ZIM2: variants seen among roughly 807,000 people sequenced by gnomAD.
ZIM2 encodes the protein zinc finger imprinted 2, also known as zinc finger protein 656.
A neutral mutation model predicts 38.6 loss-of-function variants in ZIM2; 14 were observed. That is an observed-to-expected ratio of 0.36 (90% CI 0.24 to 0.57). ZIM2 has a LOEUF of 0.57. ZIM2 is among the 20% of genes least tolerant of loss of function. The pLI, the probability that ZIM2 is intolerant of heterozygous loss-of-function variation, is 0.81. For synonymous variants in ZIM2, 247 were observed against 245.8 expected, an observed-to-expected ratio of 1.00 and a Z score of -0.04; for missense variants, 680 against 695.1, an observed-to-expected ratio of 0.98 and a Z score of 0.24.
intron 2 of ZIM2, among the ~76,000 whole-genome samples, chr19:56,834,780 C>A (rs1428187677): frequency 1.3e-5 from 2 of 152,174 alleles, no homozygotes; most frequent in African/African-American, 2.4e-5. Context: ...CAGTATTCCA[C>A]CACCACCATA....
At chr19:56,792,219 G>C (rs1362266911) in intron 9 of ZIM2, among the ~76,000 whole-genome samples, 2 of 151,994 alleles carry the variant, frequency 1.3e-5, no homozygotes, top group African/African-American at 4.8e-5. Context: ...GGGTGCAGCT[G>C]AAGCCATTAA....
At chr19:56,805,699 T>C (rs954223233) in intron 9 of ZIM2, among the ~76,000 whole-genome samples, 6 of 152,292 alleles carry the variant, frequency 3.9e-5, no homozygotes, top group South Asian at 2.1e-4. Context: ...ATCTAATTCA[T>C]AGGAAAATGG....
Position 56,817,759 on chromosome 19 carries a change from T to C in ZIM2, c.477A>G (p.Pro159=). The C allele has an allele frequency of 6.2e-7, 1 of 1,613,998 alleles. No homozygotes were observed. Among genetic ancestry groups the C allele is most frequent in the East Asian group, 2.2e-5 (1 of 44,874 alleles). ...HSSRSKRSAY[P]STSRGFLAQD... is the part of the protein sequence containing the mutation. ...CCTCCTGCTTACCTCGACTGGTGCT[T>C]GGGTAGGCACTTCTCTTGGATCTTG... The change falls in exon 9 of 13, where the codon CCA becomes CCG. Residue 159 remains proline (P), a synonymous_variant. Coordinates refer to ENST00000629319, the MANE Select transcript of ZIM2 (RefSeq NM_001387356.1).
At chr19:56,803,371 AG>A (rs1400468240) in intron 9 of ZIM2, among the ~76,000 whole-genome samples, 2 of 152,238 alleles carry the variant, frequency 1.3e-5, no homozygotes, top group Non-Finnish European at 2.9e-5. Context: ...GTTCACTGGT[AG>A]GAGCAGCTAT....
At chr19:56,789,104 A>G (rs1388471973) in intron 10 of ZIM2, among the ~76,000 whole-genome samples, 1 of 151,964 alleles carries the variant, frequency 6.6e-6, no homozygotes, top group African/African-American at 2.4e-5. Context: ...ATGCTCCTTT[A>G]GCTTGGAGGA....
chr19:56,779,323 C>G (rs913190415), intron 12 of ZIM2, 54 bp downstream of exon 12: 38 of 1,590,168 alleles, frequency 2.4e-5, no homozygotes, highest in Middle Eastern at 1.9e-4. Context: ...AGCTCTCTGA[C>G]TAGCATTTAC....
intron 9 of ZIM2, chr19:56,798,068 C>A (rs528758295): frequency 5.3e-5 from 8 of 152,222 alleles, no homozygotes; most frequent in African/African-American, 1.9e-4. Context: ...AATGGGAACA[C>A]TGGAAACTTC....
chr19:56,819,900 G>C (rs1232803017), intron 7 of ZIM2, among the ~76,000 whole-genome samples: 1 of 152,180 alleles, frequency 6.6e-6, no homozygotes, highest in African/African-American at 2.4e-5. Context: ...AAGAGGTACG[G>C]GTATCTGGGT....
chr19:56,805,074 A>T lies in ZIM2; in HGVS notation c.490+12672T>A, dbSNP rs190212143. 7.9e-5 allele frequency among the ~76,000 whole-genome samples: 12 copies of T among 152,284 alleles called. No homozygotes were observed. In the East Asian group the frequency reaches 1.5e-3, roughly 20 times the overall value. ...TGCAGAACCATCCTTCCTCTGCTCC[A>T]GGGTTTTTCAGCCTTGGCTCTACTG... On this transcript the variant is annotated intron_variant, in intron 9 of 12. Coordinates refer to ENST00000629319, the MANE Select transcript of ZIM2 (RefSeq NM_001387356.1).
chr19:56,832,355 C>T (rs1279303862), intron 2 of ZIM2, among the ~76,000 whole-genome samples: 1 of 152,080 alleles, frequency 6.6e-6, no homozygotes, highest in Non-Finnish European at 1.5e-5. Context: ...CCATCTGTAC[C>T]TCCCCTCTCC....
At chr19:56,818,850 T>C (rs916171019) in intron 7 of ZIM2, 148 bp from the exon 8 acceptor site, 2 of 891,002 alleles carry the variant, frequency 2.2e-6, no homozygotes, top group Admixed American at 2.3e-5. Flanking sequence ...AAGTCAAGTG[T>C]TACTAGGGAC....
intron 10 of ZIM2, among the ~76,000 whole-genome samples, chr19:56,788,492 G>C (rs1600740795): frequency 6.6e-6 from 1 of 152,118 alleles, no homozygotes; most frequent in Admixed American, 6.5e-5. Context: ...CTTCTGGCTT[G>C]TAGGGTTTCT....
rs1293102338 is a variant in ZIM2 at position 56,779,346 on chromosome 19, C to T, written c.835+31G>A. On this transcript the variant is annotated intron_variant, in intron 12 of 12. Transcript: ENST00000629319. ...GACTAGCATTTACTGGTTCCCCCTC[C>T]TACACCCCGGGCTTCCCCCTCACTA... is the stretch of plus-strand genomic sequence containing the variant. The T allele has an allele frequency of 3.1e-6, 5 of 1,610,424 alleles. No individual in the cohort carries two copies. In the Admixed American group the frequency reaches 8.3e-5, roughly 27 times the overall value.
intron 7 of ZIM2, among the ~76,000 whole-genome samples, chr19:56,820,692 T>C (rs559136868): frequency 1.3e-5 from 2 of 152,354 alleles, no homozygotes; most frequent in South Asian, 4.1e-4. Context: ...TTACAATTTC[T>C]TGTTAACTCT....
At chr19:56,815,012 C>T (rs1173115871) in intron 9 of ZIM2, 3 of 1,614,092 alleles carry the variant, frequency 1.9e-6, no homozygotes, top group Non-Finnish European at 1.7e-6. Context: ...GTGTGAATTA[C>T]AGAATGTGTG....
At chr19:56,805,752 AAAG>A (rs1255218532) in intron 9 of ZIM2, among the ~76,000 whole-genome samples, 1 of 152,164 alleles carries the variant, frequency 6.6e-6, no homozygotes, top group Non-Finnish European at 1.5e-5. Context: ...CTTAGAAACC[AAAG>A]AAAGGCTGAG....
intron 9 of ZIM2, among the ~76,000 whole-genome samples, chr19:56,795,981 G>A (rs866338474): frequency 6.6e-6 from 1 of 152,102 alleles, no homozygotes; most frequent in Non-Finnish European, 1.5e-5. Context: ...GAAAATAAGC[G>A]GTAGTCAGTG....
At chr19:56,792,473 G>C (rs1359047597) in intron 9 of ZIM2, among the ~76,000 whole-genome samples, 1 of 140,808 alleles carries the variant, frequency 7.1e-6, no homozygotes, top group Non-Finnish European at 1.5e-5. Context: ...GGAGGTTGCA[G>C]TGAGCTGAGA....
At chr19:56,784,510 G>A (rs746200424) in intron 10 of ZIM2, among the ~76,000 whole-genome samples, 2 of 152,144 alleles carry the variant, frequency 1.3e-5, no homozygotes, top group Non-Finnish European at 2.9e-5. Flanking sequence ...ATATTTAAAC[G>A]ATGGTGGTCA....
Sources: allele counts gnomAD v4.1 joint callset (sites outside exome capture counted in the v4.1 genomes callset), GRCh38; gene constraint gnomAD v4.1.1; transcripts MANE v1.5; gene names NCBI Gene and HGNC (gene_info 2026-07-23, HGNC 2026-07-21).